The following PLCB1 variants were observed in gnomAD, a reference collection of about 807,000 sequenced individuals.
PLCB1 encodes the protein phospholipase C beta 1.
In PLCB1, 46 loss-of-function variants were observed where a neutral mutation model predicts 161.8. That is an observed-to-expected ratio of 0.28 (90% CI 0.22 to 0.36). PLCB1 has a LOEUF of 0.36. Ranked by LOEUF, PLCB1 falls within the 10% of genes least tolerant of loss-of-function variation. The pLI is 1.00. For synonymous variants in PLCB1, 517 were observed against 503.7 expected, an observed-to-expected ratio of 1.03 and a Z score of -0.35; for missense variants, 1,016 against 1,472.5, an observed-to-expected ratio of 0.69 and a Z score of 5.07.
intron 2 of PLCB1, among the ~76,000 whole-genome samples, chr20:8,368,528 CAAAAAAAAAAAAAAAAAAAA>C (rs1216338206): frequency 1.6e-5 from 1 of 63,818 alleles, no homozygotes; most frequent in South Asian, 7.8e-4. Flanking sequence ...CTCTGTCTCT[CAAAAAAAAAAAAAAAAAAAA>C]AAGAAAAAGA....
chr20:8,136,574 C>G (rs372722314), intron 1 of PLCB1, among the ~76,000 whole-genome samples: 13 of 150,294 alleles, frequency 8.6e-5, no homozygotes, highest in Admixed American at 6.0e-4. Context: ...TGCAGTGAGC[C>G]GAGATCGCGC....
At chr20:8,717,597 G>C (rs1979392360) in intron 13 of PLCB1, 74 bp from the exon 14 acceptor site, 4 of 1,159,896 alleles carry the variant, frequency 3.4e-6, no homozygotes, top group Non-Finnish European at 5.0e-6. Flanking sequence ...ATCCACAGCT[G>C]ATCTGGGGGT....
At chr20:8,750,048 T>G (rs1178405482) in intron 23 of PLCB1, among the ~76,000 whole-genome samples, 4 of 152,156 alleles carry the variant, frequency 2.6e-5, no homozygotes, top group Non-Finnish European at 5.9e-5. Context: ...TCATAGCCCT[T>G]ACAACTTGGA....
intron 2 of PLCB1, among the ~76,000 whole-genome samples, chr20:8,253,716 C>T (rs1457482319): frequency 6.6e-6 from 1 of 151,834 alleles, no homozygotes; most frequent in Non-Finnish European, 1.5e-5. Flanking sequence ...ATGAATGTTC[C>T]CATCACCCAA....
At position 8,733,310 on chromosome 20, in the gene PLCB1, T is replaced by C. The variant is rs369668806; in HGVS notation, c.1961T>C (p.Phe654Ser). Residue 654 changes from phenylalanine (F) to serine (S), a missense_variant, in exon 19 of 32, where the codon TTC (phenylalanine) becomes TCC (serine). By Grantham distance (155) the Phe-to-Ser change is radical. Transcript: ENST00000338037. Reference sequence around the variant, plus strand: ...AGTGGCTACAGATTGAAGCCAGAGTTCATGAGGAGGCCTGACAAGCATTTT... The same window carrying C: ...AGTGGCTACAGATTGAAGCCAGAGTCCATGAGGAGGCCTGACAAGCATTTT... ...GKSGYRLKPE[F>S]MRRPDKHFDP... The C allele has an allele frequency of 1.2e-6, 2 of 1,613,844 alleles. No individual in the cohort carries two copies. The highest frequency in any genetic ancestry group is 1.7e-6 in the Non-Finnish European group (2 of 1,179,884).
intron 31 of PLCB1, among the ~76,000 whole-genome samples, chr20:8,813,517 A>G (rs1398352197): frequency 2.0e-5 from 3 of 152,252 alleles, no homozygotes; most frequent in South Asian, 2.1e-4. Context: ...AAACATTGGG[A>G]GGTGATGGAT....
At chr20:8,422,760 C>T (rs1979593316) in intron 3 of PLCB1, among the ~76,000 whole-genome samples, 4 of 152,088 alleles carry the variant, frequency 2.6e-5, no homozygotes, top group African/African-American at 9.7e-5. Context: ...CCAGTGACTT[C>T]ATGGTCATGC....
chr20:8,320,558 G>A (rs559357405), intron 2 of PLCB1, among the ~76,000 whole-genome samples: 57 of 152,242 alleles, frequency 3.7e-4, no homozygotes, highest in African/African-American at 1.2e-3. Flanking sequence ...TTCAGTTAGG[G>A]TTTCCATATG....
intron 31 of PLCB1, among the ~76,000 whole-genome samples, chr20:8,847,836 T>C (rs1211181839): frequency 1.3e-5 from 2 of 152,220 alleles, no homozygotes; most frequent in African/African-American, 4.8e-5. Context: ...AAGAGGTATA[T>C]AGGGTATCGT....
intron 3 of PLCB1, among the ~76,000 whole-genome samples, chr20:8,442,578 T>A (rs1980607431): frequency 6.6e-6 from 1 of 152,196 alleles, no homozygotes; most frequent in Non-Finnish European, 1.5e-5. Flanking sequence ...TTTGAGAAGG[T>A]CCCATTTTTT....
At chr20:8,799,941 TTCA>T (rs1194459663) in intron 31 of PLCB1, among the ~76,000 whole-genome samples, 1 of 152,228 alleles carries the variant, frequency 6.6e-6, no homozygotes, top group Non-Finnish European at 1.5e-5. Context: ...TCTATACATG[TTCA>T]GTACAGACAC....
At chr20:8,477,846 C>G in intron 3 of PLCB1, among the ~76,000 whole-genome samples, 1 of 152,182 alleles carries the variant, frequency 6.6e-6, no homozygotes, top group East Asian at 1.9e-4. Context: ...CCACTAGGCC[C>G]CATCTCCAAT....
chr20:8,294,687 T>C (rs971238789), intron 2 of PLCB1, among the ~76,000 whole-genome samples: 2 of 150,400 alleles, frequency 1.3e-5, no homozygotes, highest in African/African-American at 4.9e-5. Context: ...TCTCTGCTAG[T>C]TGGAAGATTA....
At chr20:8,399,141 A>C (rs1291547469) in intron 3 of PLCB1, among the ~76,000 whole-genome samples, 1 of 141,824 alleles carries the variant, frequency 7.1e-6, no homozygotes, top group Non-Finnish European at 1.5e-5. Context: ...AGCATCTTGG[A>C]GGTTTTTTTT....
chr20:8,141,435 C>G (rs941688549), intron 1 of PLCB1, among the ~76,000 whole-genome samples: 4 of 151,882 alleles, frequency 2.6e-5, no homozygotes, highest in Admixed American at 6.6e-5. Context: ...ACCAGCCTGG[C>G]CAATATGATG....
intron 31 of PLCB1, among the ~76,000 whole-genome samples, chr20:8,869,153 C>A (rs1292801433): frequency 2.6e-5 from 4 of 152,014 alleles, no homozygotes; most frequent in Non-Finnish European, 5.9e-5. Context: ...ACAATAGTAA[C>A]TTTCTGTTTG....
intron 2 of PLCB1, among the ~76,000 whole-genome samples, chr20:8,370,641 G>A (rs1420232841): frequency 1.3e-5 from 2 of 152,012 alleles, no homozygotes; most frequent in Non-Finnish European, 2.9e-5. Context: ...CAAGCTTAAT[G>A]ATTTCTCATA....
chr20:8,760,478 C>A lies in PLCB1; in HGVS notation c.2710+18C>A. 2 of 1,590,782 alleles carry A rather than the reference C, an allele frequency of 1.3e-6. No individual in the cohort carries two copies. Among genetic ancestry groups the A allele is most frequent in the Non-Finnish European group, 1.7e-6 (2 of 1,159,688 alleles). ...CTTAACAGGTAAATGCCACCCTTTC[C>A]CCCCATGGAATTAAGCAGCTCAGTG... On this transcript the variant is annotated intron_variant, in intron 25 of 31. Transcript: ENST00000338037.
intron 19 of PLCB1, 107 bp from the exon 20 acceptor site, chr20:8,736,921 T>A (rs1452359990): frequency 3.8e-6 from 3 of 797,454 alleles, no homozygotes; most frequent in Admixed American, 5.0e-5. Flanking sequence ...TGCTTATAAT[T>A]CAACATTTGC....
Sources: gnomAD v4.1 joint callset for allele counts (sites outside exome capture counted in the v4.1 genomes callset) on GRCh38, gnomAD v4.1.1 for gene constraint, MANE v1.5 for transcripts, NCBI Gene and HGNC (gene_info 2026-07-23, HGNC 2026-07-21) for gene names.